The following RGS7 variants were observed in gnomAD, a reference collection of about 807,000 sequenced individuals.
RGS7 encodes regulator of G-protein signaling 7.
A neutral mutation model predicts 81.1 loss-of-function variants in RGS7; 27 were observed. The ratio of observed to expected loss-of-function variants is 0.33; its 90% confidence interval spans 0.25 to 0.46. RGS7 has a LOEUF of 0.46. Ranked by LOEUF, RGS7 falls within the 20% of genes least tolerant of loss-of-function variation. The pLI is 1.00. For missense variants in RGS7, 396 were observed against 607.4 expected, an observed-to-expected ratio of 0.65 and a Z score of 3.66; for synonymous variants, 208 against 207.7, an observed-to-expected ratio of 1.00 and a Z score of -0.01.
At chr1:241,239,676 G>A (rs1481821235) in intron 2 of RGS7, among the ~76,000 whole-genome samples, 1 of 152,070 alleles carries the variant, frequency 6.6e-6, no homozygotes, top group Non-Finnish European at 1.5e-5. Flanking sequence ...CTAGATCCGT[G>A]GTTCTCAAGG....
In RGS7 at chr1:241,118,597, T is replaced by A. The variant is rs140524294; in HGVS notation, c.79-19835A>T. Among the ~76,000 whole-genome samples the A allele has an allele frequency of 1.4e-4, 22 of 152,246 alleles. No individual in the cohort carries two copies. In the East Asian group the frequency reaches 4.2e-3, roughly 29 times the overall value. Reference sequence around the variant, plus strand: ...TAAAAAAGACACTTGCACTCATAGGTTCATCACAGCACTATTTACAATAGC... The same window carrying A: ...TAAAAAAGACACTTGCACTCATAGGATCATCACAGCACTATTTACAATAGC... On this transcript the variant is annotated intron_variant, in intron 2 of 18. Transcript: ENST00000440928.
intron 18 of RGS7, among the ~76,000 whole-genome samples, chr1:240,782,869 C>G (rs2102974945): frequency 6.6e-6 from 1 of 152,272 alleles, no homozygotes; most frequent in Admixed American, 6.5e-5. Flanking sequence ...CCAATGATTA[C>G]ATATGTGTTA....
intron 2 of RGS7, among the ~76,000 whole-genome samples, chr1:241,216,146 CCT>C (rs999629145): frequency 3.3e-5 from 5 of 152,148 alleles, no homozygotes; most frequent in East Asian, 3.9e-4. Context: ...GTGGCATGTG[CCT>C]GTCATCCCAG....
intron 2 of RGS7, among the ~76,000 whole-genome samples, chr1:241,101,916 T>C (rs1393415977): frequency 2.0e-5 from 3 of 152,204 alleles, no homozygotes; most frequent in African/African-American, 7.2e-5. Flanking sequence ...AGTGGCAGTG[T>C]TTTCTTTGTA....
At chr1:241,088,345 A>G (rs1285644817) in intron 3 of RGS7, among the ~76,000 whole-genome samples, 1 of 151,996 alleles carries the variant, frequency 6.6e-6, no homozygotes, top group Admixed American at 6.6e-5. Context: ...GCCACCAAAA[A>G]ACATACCATT....
chr1:241,318,248 T>C (rs1422575586), intron 2 of RGS7, among the ~76,000 whole-genome samples: 1 of 152,218 alleles, frequency 6.6e-6, no homozygotes, highest in African/African-American at 2.4e-5. Flanking sequence ...TCTCAGTTTT[T>C]AAGATAATGG....
chr1:241,315,404 TA>T (rs1470530583), intron 2 of RGS7, among the ~76,000 whole-genome samples: 2 of 152,106 alleles, frequency 1.3e-5, no homozygotes, highest in Non-Finnish European at 2.9e-5. Flanking sequence ...AATTTCAGAA[TA>T]GGGGGAAAAT....
At chr1:240,831,334 C>T (rs1000950641) in intron 9 of RGS7, among the ~76,000 whole-genome samples, 2 of 152,108 alleles carry the variant, frequency 1.3e-5, no homozygotes, top group African/African-American at 4.8e-5. Context: ...AAGGTCATGA[C>T]CCAGTGCTGA....
At chr1:241,179,463 A>G (rs1042417061) in intron 2 of RGS7, among the ~76,000 whole-genome samples, 1 of 152,200 alleles carries the variant, frequency 6.6e-6, no homozygotes, top group African/African-American at 2.4e-5. Context: ...TAGCCCTCCC[A>G]TTGGACATGC....
intron 3 of RGS7, among the ~76,000 whole-genome samples, chr1:241,047,908 T>G (rs756338745): frequency 6.6e-6 from 1 of 151,796 alleles, no homozygotes; most frequent in Non-Finnish European, 1.5e-5. Context: ...CCTGGCTAAT[T>G]TTTGTATTTT....
intron 2 of RGS7, among the ~76,000 whole-genome samples, chr1:241,119,771 A>G (rs941844768): frequency 1.3e-5 from 2 of 152,168 alleles, no homozygotes; most frequent in Non-Finnish European, 2.9e-5. Flanking sequence ...TTCACTCACA[A>G]GTTTGTTATT....
At chr1:241,045,824 T>G (rs939004992) in intron 3 of RGS7, among the ~76,000 whole-genome samples, 1 of 152,186 alleles carries the variant, frequency 6.6e-6, no homozygotes, top group East Asian at 1.9e-4. Context: ...GTGGTTTCTA[T>G]TCTCTTTAAA....
intron 2 of RGS7, among the ~76,000 whole-genome samples, chr1:241,251,118 C>G (rs912197325): frequency 6.6e-6 from 1 of 152,182 alleles, no homozygotes; most frequent in African/African-American, 2.4e-5. Flanking sequence ...TATCTACACA[C>G]TTTTAAAATA....
At chr1:241,291,440 G>T (rs1192967236) in intron 2 of RGS7, among the ~76,000 whole-genome samples, 1 of 152,100 alleles carries the variant, frequency 6.6e-6, no homozygotes, top group East Asian at 1.9e-4. Flanking sequence ...CTACATTGAG[G>T]ATGACAACTA....
intron 18 of RGS7, among the ~76,000 whole-genome samples, chr1:240,790,031 A>G (rs1225354009): frequency 1.3e-5 from 2 of 152,064 alleles, no homozygotes; most frequent in Non-Finnish European, 2.9e-5. Flanking sequence ...TATTTCTCAG[A>G]CCAGCTGACA....
chr1:240,872,458 C>G (rs373904528), intron 6 of RGS7, among the ~76,000 whole-genome samples: 5 of 151,624 alleles, frequency 3.3e-5, no homozygotes, highest in African/African-American at 1.2e-4. Flanking sequence ...GACTCTGTCT[C>G]TTAAAAAAAT....
intron 2 of RGS7, among the ~76,000 whole-genome samples, chr1:241,302,566 A>T (rs1231240437): frequency 6.6e-6 from 1 of 152,070 alleles, no homozygotes; most frequent in African/African-American, 2.4e-5. Flanking sequence ...ACAAACAAAC[A>T]AACAAAAAAC....
At chr1:241,214,417 A>G (rs759413820) in intron 2 of RGS7, among the ~76,000 whole-genome samples, 5 of 151,898 alleles carry the variant, frequency 3.3e-5, no homozygotes, top group Admixed American at 6.6e-5. Context: ...TATTCAATAT[A>G]TAATGTTTTT....
At chr1:241,029,057 A>G (rs1051088729) in intron 3 of RGS7, among the ~76,000 whole-genome samples, 2 of 152,194 alleles carry the variant, frequency 1.3e-5, no homozygotes, top group Non-Finnish European at 2.9e-5. Context: ...TGAAGAGGCG[A>G]AAATCAAAGG....
Sources: gnomAD v4.1 joint callset for allele counts (sites outside exome capture counted in the v4.1 genomes callset) on GRCh38, gnomAD v4.1.1 for gene constraint, MANE v1.5 for transcripts, NCBI Gene and HGNC (gene_info 2026-07-23, HGNC 2026-07-21) for gene names.